The following DLGAP1 variants were observed in gnomAD, a reference collection of about 807,000 sequenced individuals.
DLGAP1 encodes the protein DLG associated protein 1, also known as disks large-associated protein 1.
A neutral mutation model predicts 90.8 loss-of-function variants in DLGAP1; 11 were observed. The ratio of observed to expected loss-of-function variants is 0.12; its 90% CI spans 0.08 to 0.20. The LOEUF is 0.20. Among genes scored for constraint, DLGAP1 ranks in the 10% least tolerant of loss-of-function variants. The pLI, the probability that DLGAP1 is intolerant of heterozygous loss-of-function variation, is 1.00. For missense variants in DLGAP1, 1,050 were observed against 1,333.8 expected (o/e 0.79, Z 3.31); for synonymous variants, 558 against 540.7 (o/e 1.03, Z -0.44).
chr18:3,548,484 G>A (rs2053189398), intron 9 of DLGAP1, among the ~76,000 whole-genome samples: 1 of 150,736 alleles, frequency 6.6e-6, no homozygotes, highest in Non-Finnish European at 1.5e-5. Context: ...CCTAAAGCTA[G>A]CCGGGCACAG....
rs1026001913 is a variant in DLGAP1 at position 3,879,664 on chromosome 18, G to A, written c.405C>T (p.Pro135=). ...AGTGCACCAGGTGGCGGATGCGGCC[G>A]GGGCTGTCGCTGCGGTGCTCCACGG... ...RTAVEHRSDS[P]GRIRHLVHSV... Residue 135 remains proline, a synonymous_variant, in exon 4 of 13, where the codon CCC becomes CCT. Coordinates refer to ENST00000315677, the MANE Select transcript of DLGAP1 (RefSeq NM_004746.4). This position sits in a 1 kb window ranked among gnomAD's most constrained non-coding sequence, Gnocchi z 6.6. The A allele has an allele frequency of 3.1e-6, 5 of 1,606,116 alleles. No individual in the cohort carries two copies. Among genetic ancestry groups the A allele is most frequent in the African/African-American group, 1.3e-5 (1 of 74,920 alleles).
In DLGAP1 at chr18:3,842,694, C is replaced by T. The variant is rs567229740; in HGVS notation, c.958-28421G>A. Among the ~76,000 whole-genome samples the T allele has an allele frequency of 9.9e-5, 15 of 150,834 alleles. No individual in the cohort carries two copies. The South Asian group carries it at 2.9e-3, about 30-fold the overall frequency. On this transcript the variant is annotated intron_variant, in intron 4 of 12. Transcript: ENST00000315677. ...AGGTATCAAGATTGGCCCCATGTTT[C>T]AGCGTTAAAAAAAAGCATAGATAGT...
At chr18:4,209,887 A>ATCTG (rs1283797487) in intron 1 of DLGAP1, among the ~76,000 whole-genome samples, 6 of 152,184 alleles carry the variant, frequency 3.9e-5, no homozygotes, top group Non-Finnish European at 5.9e-5. Flanking sequence ...AATATTCAAT[A>ATCTG]TCTGTATTTC....
chr18:3,657,791 A>G (rs1445118388), intron 7 of DLGAP1, among the ~76,000 whole-genome samples: 1 of 151,698 alleles, frequency 6.6e-6, no homozygotes, highest in African/African-American at 2.4e-5. Flanking sequence ...TTTTTAGTAG[A>G]GACGGGGTTT....
chr18:3,854,853 A>T (rs1442094197), intron 4 of DLGAP1, among the ~76,000 whole-genome samples: 2 of 152,212 alleles, frequency 1.3e-5, no homozygotes, highest in Non-Finnish European at 2.9e-5. Context: ...ATGGCCAAAG[A>T]GTTCCACTGA....
intron 2 of DLGAP1, among the ~76,000 whole-genome samples, chr18:4,126,886 T>C (rs752927671): frequency 6.6e-6 from 1 of 152,184 alleles, no homozygotes; most frequent in Non-Finnish European, 1.5e-5. Context: ...AATGAAACCT[T>C]TCTCCCTCAA....
chr18:3,790,391 C>A (rs2065675568), intron 5 of DLGAP1, among the ~76,000 whole-genome samples: 1 of 151,994 alleles, frequency 6.6e-6, no homozygotes, highest in Non-Finnish European at 1.5e-5. Flanking sequence ...CCTTAGCCTC[C>A]TGAGTAGCTG....
chr18:4,257,234 A>G (rs796101140), intron 1 of DLGAP1, among the ~76,000 whole-genome samples: 7 of 152,344 alleles, frequency 4.6e-5, no homozygotes, highest in African/African-American at 1.7e-4. Flanking sequence ...AGAAATATTG[A>G]GTGAAATGTC....
intron 5 of DLGAP1, among the ~76,000 whole-genome samples, chr18:3,764,619 C>T (rs2064131211): frequency 6.6e-6 from 1 of 152,120 alleles, no homozygotes; most frequent in South Asian, 2.1e-4. Flanking sequence ...CATCCCAAAC[C>T]ATCAATTTTA....
intron 1 of DLGAP1, among the ~76,000 whole-genome samples, chr18:4,312,593 G>A (rs77674472): frequency 1.4e-3 from 212 of 152,260 alleles, no homozygotes; most frequent in African/African-American, 4.3e-3. Flanking sequence ...TGATCCCACC[G>A]CAAGATGAGG....
At chr18:4,087,870 T>C (rs1015588361) in intron 2 of DLGAP1, among the ~76,000 whole-genome samples, 1 of 152,078 alleles carries the variant, frequency 6.6e-6, no homozygotes, top group Admixed American at 6.5e-5. Flanking sequence ...TTTGTTTGAG[T>C]TGACATGATC....
At chr18:3,773,241 A>G (rs1388225430) in intron 5 of DLGAP1, among the ~76,000 whole-genome samples, 2 of 152,160 alleles carry the variant, frequency 1.3e-5, no homozygotes, top group African/African-American at 4.8e-5. Context: ...ACACTCATAA[A>G]CTGACACACA....
At chr18:3,926,041 A>G (rs2072374706) in intron 3 of DLGAP1, among the ~76,000 whole-genome samples, 1 of 152,180 alleles carries the variant, frequency 6.6e-6, no homozygotes, top group East Asian at 1.9e-4. Context: ...TCGGAAACAT[A>G]CTTTCAGTGC....
intron 3 of DLGAP1, among the ~76,000 whole-genome samples, chr18:3,910,792 A>G (rs929818049): frequency 9.9e-5 from 15 of 152,114 alleles, no homozygotes; most frequent in African/African-American, 3.4e-4. Flanking sequence ...GGGATACCTC[A>G]TTTTCTAAAT....
chr18:4,189,013 C>T (rs1025412554), intron 1 of DLGAP1, among the ~76,000 whole-genome samples: 4 of 152,090 alleles, frequency 2.6e-5, no homozygotes, highest in African/African-American at 4.8e-5. Flanking sequence ...ATCTGTCTCA[C>T]TGTAAAAACT....
intron 1 of DLGAP1, among the ~76,000 whole-genome samples, chr18:4,325,414 C>A (rs1376165824): frequency 6.6e-6 from 1 of 152,020 alleles, no homozygotes; most frequent in African/African-American, 2.4e-5. Context: ...GAATCAATAT[C>A]ATCAAAATGG....
intron 10 of DLGAP1, among the ~76,000 whole-genome samples, chr18:3,529,993 A>G (rs2051886038): frequency 6.6e-6 from 1 of 152,224 alleles, no homozygotes; most frequent in South Asian, 2.1e-4. Flanking sequence ...CTAAATCTTT[A>G]TACAATGAGT....
intron 5 of DLGAP1, among the ~76,000 whole-genome samples, chr18:3,787,468 G>A (rs372137939): frequency 4.1e-5 from 3 of 73,592 alleles, no homozygotes; most frequent in East Asian, 4.8e-4. Context: ...GTGACAAAGC[G>A]AAACTCCATC....
chr18:4,385,191 A>G (rs518369), intron 1 of DLGAP1, among the ~76,000 whole-genome samples: 147,516 of 152,246 alleles, frequency 0.97, 71,671 homozygotes, highest in East Asian at 1. Context: ...TAGATCACTA[A>G]ATTCCTCTCT....
Sources: gnomAD v4.1 joint callset for allele counts (sites outside exome capture counted in the v4.1 genomes callset) on GRCh38, gnomAD v4.1.1 for gene constraint, Gnocchi (gnomAD v3.1) non-coding constraint, MANE v1.5 for transcripts, NCBI Gene and HGNC (gene_info 2026-07-23, HGNC 2026-07-21) for gene names.